The following MRTFB variants were observed in gnomAD, a reference collection of about 807,000 sequenced individuals.
The protein encoded by MRTFB is myocardin-related transcription factor B.
A neutral mutation model predicts 104.2 loss-of-function variants in MRTFB; 29 were observed. The ratio of observed to expected loss-of-function variants is 0.28; its 90% confidence interval spans 0.21 to 0.38. The LOEUF (loss-of-function observed/expected upper bound fraction) is 0.38. MRTFB is among the 10% of genes least tolerant of loss of function. The pLI is 1.00. For missense variants in MRTFB, 1,270 were observed against 1,341.6 expected (o/e 0.95, Z 0.83); for synonymous variants, 535 against 519.5 (o/e 1.03, Z -0.41).
At chr16:14,126,292 T>G (rs1459790207) in intron 2 of MRTFB, among the ~76,000 whole-genome samples, 1 of 152,182 alleles carries the variant, frequency 6.6e-6, no homozygotes, top group East Asian at 1.9e-4. Context: ...AAATATTGGA[T>G]TTAACAATGC....
chr16:14,205,085 G>A (rs2040881488), intron 3 of MRTFB, among the ~76,000 whole-genome samples: 1 of 152,212 alleles, frequency 6.6e-6, no homozygotes, highest in Admixed American at 6.5e-5. Flanking sequence ...ATCGGAGTAT[G>A]TAGAAGCAGA....
In MRTFB at chr16:14,118,388, C is replaced by T. The variant is rs138663104; in HGVS notation, c.-63-22156C>T. Among the ~76,000 whole-genome samples, 552 of 151,672 alleles carry T rather than the reference C, an allele frequency of 3.6e-3. 1 individual carries two copies. The highest frequency in any genetic ancestry group is 5.9e-3 in the Non-Finnish European group (399 of 67,888). On this transcript the variant is annotated intron_variant, in intron 2 of 16. Coordinates refer to ENST00000571589, the MANE Select transcript of MRTFB (RefSeq NM_001308142.2). ...AACTCCTGAACTCAAGCGATCTGCCCGCCTCGGCCTCCCAAAGTGCTGGAA... is the reference window on the plus strand; with the variant it reads ...AACTCCTGAACTCAAGCGATCTGCCTGCCTCGGCCTCCCAAAGTGCTGGAA...
intron 3 of MRTFB, among the ~76,000 whole-genome samples, chr16:14,199,577 A>G (rs920217014): frequency 7.9e-5 from 12 of 152,332 alleles, no homozygotes; most frequent in Non-Finnish European, 1.8e-4. Context: ...CCTGAAACCC[A>G]GGATCATCTT....
chr16:14,257,956 T>C, intron 15 of MRTFB, 145 bp from the exon 16 acceptor site: 1 of 673,918 alleles, frequency 1.5e-6, no homozygotes, highest in Admixed American at 2.7e-5. Flanking sequence ...GTAAATGGCT[T>C]AACTTCTCAG....
In MRTFB at chr16:14,116,644, C is replaced by G. The variant is rs189521370; in HGVS notation, c.-63-23900C>G. 1.9e-3 allele frequency among the ~76,000 whole-genome samples: 274 copies of G among 147,032 alleles called. 1 individual carries two copies. The highest frequency in any genetic ancestry group is 6.2e-3 in the African/African-American group (249 of 40,074). ...ACCTTAGCACTATTGACATTTTGAA[C>G]TGGGTAATTCTTTGTTGGTGGGGGC... On this transcript the variant is annotated intron_variant, in intron 2 of 16. Transcript: ENST00000571589.
At chr16:14,075,190 G>A (rs796625354) in intron 1 of MRTFB, among the ~76,000 whole-genome samples, 35 of 152,286 alleles carry the variant, frequency 2.3e-4, no homozygotes, top group African/African-American at 8.4e-4. Context: ...CTAGTTCCGT[G>A]GTATACCTTA....
At chr16:13,998,491 T>A in the MRTFB span, among the ~76,000 whole-genome samples, 1 of 151,884 alleles carries the variant, frequency 6.6e-6, no homozygotes, top group Non-Finnish European at 1.5e-5. Context: ...CAAAAATTTT[T>A]AAAAATTAGC....
At chr16:14,016,153 A>G in the MRTFB span, 1 of 394,730 alleles carries the variant, frequency 2.5e-6, no homozygotes, top group African/African-American at 2.1e-5. Context: ...TCTCTGACTC[A>G]TAGGAATGCT....
intron 4 of MRTFB, among the ~76,000 whole-genome samples, chr16:14,211,613 G>C (rs1027991065): frequency 1.3e-5 from 2 of 152,138 alleles, no homozygotes; most frequent in South Asian, 4.1e-4. Context: ...GATAGAATAC[G>C]GTTGTAGGTG....
At chr16:14,194,697 CT>C (rs976330134) in intron 3 of MRTFB, among the ~76,000 whole-genome samples, 22 of 138,096 alleles carry the variant, frequency 1.6e-4, no homozygotes, top group Non-Finnish European at 2.6e-4. Context: ...TTTTTGTATG[CT>C]TTTCTTTTTT....
At chr16:14,150,337 C>T (rs1218901186) in intron 3 of MRTFB, among the ~76,000 whole-genome samples, 2 of 152,142 alleles carry the variant, frequency 1.3e-5, no homozygotes. Context: ...AATGCAGTAT[C>T]GTTAACCCTT....
upstream of MRTFB, among the ~76,000 whole-genome samples, chr16:14,066,385 T>C (rs570124830): frequency 5.3e-3 from 801 of 151,688 alleles, 8 homozygotes; most frequent in African/African-American, 0.018. Context: ...GCGATTCTCC[T>C]GCCTCAGCCT....
intron 10 of MRTFB, 148 bp downstream of exon 10, chr16:14,240,632 C>A (rs769181203): frequency 6.8e-6 from 9 of 1,328,222 alleles, no homozygotes; most frequent in Non-Finnish European, 9.7e-6. Context: ...CACACAGTGT[C>A]TGAAGTCCAC....
At chr16:14,171,001 G>C (rs780105751) in intron 3 of MRTFB, among the ~76,000 whole-genome samples, 10 of 152,078 alleles carry the variant, frequency 6.6e-5, no homozygotes, top group Non-Finnish European at 1.5e-4. Context: ...GTTATAATCT[G>C]TTACTGTTAT....
intron 15 of MRTFB, 35 bp from the exon 16 acceptor site, chr16:14,258,066 G>C (rs769668415): frequency 1.3e-6 from 2 of 1,583,058 alleles, no homozygotes; most frequent in Non-Finnish European, 1.7e-6. Context: ...AGGTTTGTAT[G>C]AAAGAAACCT....
rs940430286 is a variant in MRTFB at position 14,263,126 on chromosome 16, G to C, written c.*1682G>C. 3 of 152,260 alleles carry C rather than the reference G, an allele frequency of 2.0e-5. No homozygotes were observed. The highest frequency in any genetic ancestry group is 7.2e-5 in the African/African-American group (3 of 41,462). 9.4% of individuals were successfully genotyped at this position (152,260 alleles called of 1,614,324 possible). A position where few individuals can be genotyped will look rare whatever the true frequency, so the allele number is the denominator to read the frequency against. ...GCTCACTGGCACTTCCTGACTCAAA[G>C]GCACTAACAGTGCTCATGTGCCTTC... On this transcript the variant is annotated 3_prime_UTR_variant, in exon 17 of 17. Coordinates refer to ENST00000571589, the MANE Select transcript of MRTFB (RefSeq NM_001308142.2).
intron 3 of MRTFB, among the ~76,000 whole-genome samples, chr16:14,156,430 T>C (rs1423016716): frequency 6.6e-6 from 1 of 152,194 alleles, no homozygotes; most frequent in Non-Finnish European, 1.5e-5. Flanking sequence ...TTTTGATCAG[T>C]GGATGAACGA....
chr16:14,020,133 A>T, the MRTFB span, among the ~76,000 whole-genome samples: 1 of 150,456 alleles, frequency 6.6e-6, no homozygotes, highest in Non-Finnish European at 1.5e-5. Context: ...CTGACTGGGT[A>T]CCCCCTCCAC....
intron 3 of MRTFB, chr16:14,152,288 T>G (rs1173839825): frequency 6.6e-6 from 1 of 152,024 alleles, no homozygotes; most frequent in Non-Finnish European, 1.5e-5. Flanking sequence ...TATCTTTGTA[T>G]AAACAAGTAT....
Sources: gnomAD v4.1 joint callset for allele counts (sites outside exome capture counted in the v4.1 genomes callset) on GRCh38, gnomAD v4.1.1 for gene constraint, MANE v1.5 for transcripts, NCBI Gene and HGNC (gene_info 2026-07-23, HGNC 2026-07-21) for gene names.